Variants in ZNF124 observed in about 807,000 individuals in gnomAD.
ZNF124 encodes the protein zinc finger protein 124, also known as zinc finger protein HZF-16.
ZNF124 carries 25 observed loss-of-function variants against 26.6 expected under a neutral mutation model. The ratio of observed to expected loss-of-function variants is 0.94; its 90% CI spans 0.68 to 1.31. The LOEUF (loss-of-function observed/expected upper bound fraction) is 1.31. Ranked by LOEUF, ZNF124 falls within the 40% of genes most tolerant of loss-of-function variation. The pLI is 0.00. For missense variants in ZNF124, 444 were observed against 422.2 expected (o/e 1.05, Z -0.45); for synonymous variants, 129 against 133.3 (o/e 0.97, Z 0.22).
At chr1:247,132,610 G>A (rs1227925479) in intron 3 of ZNF124, among the ~76,000 whole-genome samples, 4 of 152,196 alleles carry the variant, frequency 2.6e-5, no homozygotes, top group Non-Finnish European at 5.9e-5. Context: ...TGCCTCAAAA[G>A]AAAGAGTAAA....
chr1:247,166,975 T>C (rs1261481268), intron 1 of ZNF124, among the ~76,000 whole-genome samples: 1 of 152,184 alleles, frequency 6.6e-6, no homozygotes, highest in African/African-American at 2.4e-5. Context: ...TAAAATAAAA[T>C]GGTTCAATAT....
downstream of ZNF124, among the ~76,000 whole-genome samples, chr1:247,150,774 G>T (rs1672911392): frequency 7.1e-6 from 1 of 141,804 alleles, no homozygotes; most frequent in South Asian, 2.1e-4. Context: ...ACTCAATTAT[G>T]AATGAATTGC....
At chr1:247,147,267 C>A (rs1191977164) in intron 3 of ZNF124, among the ~76,000 whole-genome samples, 1 of 146,968 alleles carries the variant, frequency 6.8e-6, no homozygotes, top group Non-Finnish European at 1.5e-5. Context: ...TGCTCTGTTG[C>A]CCAGGCTGGA....
intron 3 of ZNF124, among the ~76,000 whole-genome samples, chr1:247,128,298 C>T (rs1672261492): frequency 6.7e-6 from 1 of 149,930 alleles, no homozygotes; most frequent in African/African-American, 2.5e-5. Context: ...TAGGCACACT[C>T]ACAAACGTCT....
rs1032677779 is a variant in ZNF124 at position 247,140,660 on chromosome 1, C to T, written c.219-16789G>A. Among the ~76,000 whole-genome samples the T allele has an allele frequency of 3.9e-5, 6 of 152,222 alleles. No individual in the cohort carries two copies. In the East Asian group the frequency reaches 5.8e-4, roughly 15 times the overall value. ...GTACACTTTTTTTTCTGGATGTCTTCGCAGAGCCAAGGCTTTGTGCAGGGT... is the reference window on the plus strand; with the variant it reads ...GTACACTTTTTTTTCTGGATGTCTTTGCAGAGCCAAGGCTTTGTGCAGGGT... On this transcript the variant is annotated intron_variant, in intron 3 of 3. Transcript: ENST00000472531.
downstream of ZNF124, among the ~76,000 whole-genome samples, chr1:247,150,278 C>T (rs6663100): frequency 0.057 from 8,624 of 152,098 alleles, 333 homozygotes; most frequent in African/African-American, 0.099. Flanking sequence ...ATGAAAATAA[C>T]TTATCCATTG....
chr1:247,142,857 A>G (rs748827051), intron 3 of ZNF124, among the ~76,000 whole-genome samples: 17 of 148,372 alleles, frequency 1.1e-4, no homozygotes, highest in Middle Eastern at 3.4e-3. Context: ...TTTTTTTTAC[A>G]TATATTCTAT....
At chr1:247,131,533 T>C (rs1672368341) in intron 3 of ZNF124, among the ~76,000 whole-genome samples, 1 of 152,194 alleles carries the variant, frequency 6.6e-6, no homozygotes, top group African/African-American at 2.4e-5. Flanking sequence ...CCTAACGTGC[T>C]AAGCTCCCTG....
At chr1:247,137,741 A>G (rs904448452) in intron 3 of ZNF124, among the ~76,000 whole-genome samples, 1 of 152,150 alleles carries the variant, frequency 6.6e-6, no homozygotes, top group Non-Finnish European at 1.5e-5. Context: ...AGAATTTACA[A>G]GGAACTTAAA....
intron 3 of ZNF124, among the ~76,000 whole-genome samples, chr1:247,131,216 G>A (rs1279884475): frequency 6.6e-6 from 1 of 152,222 alleles, no homozygotes; most frequent in Non-Finnish European, 1.5e-5. Context: ...AGCCAGGCGG[G>A]GAAGGGGAGC....
chr1:247,131,844 C>T (rs1253131979), intron 3 of ZNF124, among the ~76,000 whole-genome samples: 2 of 152,214 alleles, frequency 1.3e-5, no homozygotes, highest in African/African-American at 4.8e-5. Flanking sequence ...CTTAGCCTCT[C>T]CTCCTGGTAG....
rs750945749 is a variant in ZNF124 at position 247,156,590 on chromosome 1, C to G, written c.1032G>C (p.Lys344Asn). Residue 344 changes from lysine to asparagine, a missense_variant, in exon 4 of 4, where the codon AAG (lysine) becomes AAC (asparagine). By Grantham distance (94) the Lys-to-Asn change is moderately conservative (BLOSUM62 0). Transcript: ENST00000543802. ...WKHKKTHTGE[K>N]PYKCKKM ...TTTACATTTTTTTACATTTATAGGG[C>G]TTTTCTCCAGTATGAGTTTTTTTAT... 15 of 1,547,754 alleles carry G rather than the reference C, an allele frequency of 9.7e-6. No homozygotes were observed. The highest frequency in any genetic ancestry group is 1.3e-5 in the Non-Finnish European group (15 of 1,154,228).
At chr1:247,146,487 T>TA (rs1672782573) in intron 3 of ZNF124, among the ~76,000 whole-genome samples, 1 of 152,192 alleles carries the variant, frequency 6.6e-6, no homozygotes, top group Non-Finnish European at 1.5e-5. Context: ...AGCAAGCTTA[T>TA]AACTGACTTT....
chr1:247,169,321 C>G (rs1027499122), intron 1 of ZNF124, among the ~76,000 whole-genome samples: 3 of 152,212 alleles, frequency 2.0e-5, no homozygotes, highest in Non-Finnish European at 4.4e-5. Context: ...GACCAACCTC[C>G]CAGCGCAATG....
intron 2 of ZNF124, among the ~76,000 whole-genome samples, chr1:247,159,288 T>C: frequency 6.6e-6 from 1 of 152,180 alleles, no homozygotes; most frequent in East Asian, 1.9e-4. Flanking sequence ...CTTGCAAGAC[T>C]GAATTAGTTG....
chr1:247,160,646 T>G (rs1673428854), intron 1 of ZNF124, among the ~76,000 whole-genome samples: 1 of 152,240 alleles, frequency 6.6e-6, no homozygotes. Flanking sequence ...TCCAAAAGTC[T>G]ATTATTTTGT....
rs551332977 is a variant in ZNF124 at position 247,155,548 on chromosome 1, T to A, written c.*1018A>T. ...AATACATATTTAACTCTTGTACTAC[T>A]GCTTGAAGAATACTTACAGAAGTCT... On this transcript the variant is annotated 3_prime_UTR_variant, in exon 4 of 4. Transcript: ENST00000543802. Among the ~76,000 whole-genome samples, 43 of 152,318 alleles carry A rather than the reference T, an allele frequency of 2.8e-4. No individual in the cohort carries two copies. The highest frequency in any genetic ancestry group is 5.9e-4 in the Non-Finnish European group (40 of 68,026).
rs779380984 is a variant in ZNF124, at chr1:247,159,008, T to C, written c.216A>G (p.Leu72=). ...TTCCTCTTGTGAGGGCAAATTACCTTAGATTTCTTGAAGAATTTTTGTACT... is the reference window on the plus strand; with the variant it reads ...TTCCTCTTGTGAGGGCAAATTACCTCAGATTTCTTGAAGAATTTTTGTACT... ...EDQYKNSSRN[L]RHIISHSGNN... is the part of the protein sequence containing the mutation. The change falls in exon 3 of 4, where the codon CTA becomes CTG. Residue 72 remains leucine (L), a splice_region_variant and synonymous_variant. Transcript: ENST00000543802. The C allele has an allele frequency of 1.9e-6, 3 of 1,613,364 alleles. No homozygotes were observed. In the South Asian group the frequency reaches 3.3e-5, roughly 18 times the overall value.
intron 1 of ZNF124, among the ~76,000 whole-genome samples, chr1:247,165,188 G>A (rs1048716694): frequency 7.9e-5 from 12 of 151,994 alleles, no homozygotes; most frequent in South Asian, 6.2e-4. Flanking sequence ...GGATGGTCTC[G>A]ATCTCCTGAC....
Sources: gnomAD v4.1 joint callset for allele counts (sites outside exome capture counted in the v4.1 genomes callset) on GRCh38, gnomAD v4.1.1 for gene constraint, MANE v1.5 for transcripts, NCBI Gene and HGNC (gene_info 2026-07-23, HGNC 2026-07-21) for gene names.